Variants in RCOR3 observed in about 807,000 individuals in gnomAD.
RCOR3 encodes the protein REST corepressor 3.
In RCOR3, 13 loss-of-function variants were observed where a neutral mutation model predicts 64.1. The ratio of observed to expected loss-of-function variants is 0.20; its 90% CI spans 0.13 to 0.32. RCOR3 has a LOEUF of 0.32. Among genes scored for constraint, RCOR3 ranks in the 10% least tolerant of loss-of-function variants. The pLI is 1.00. For synonymous variants in RCOR3, 215 were observed against 239.0 expected (o/e 0.90, Z 0.93); for missense variants, 489 against 701.2 (o/e 0.70, Z 3.42).
chr1:211,271,218 T>C lies in RCOR3; in HGVS notation c.224-14T>C. On this transcript the variant is annotated splice_polypyrimidine_tract_variant and intron_variant, in intron 2 of 11. Coordinates refer to ENST00000419091, the MANE Select transcript of RCOR3 (RefSeq NM_001136223.3). Reference sequence around the variant, plus strand: ...AAATCCATCATATTCAAAGTAATTATCTTTTTCCCCCAGGTGCTACAAAGT... The same window carrying C: ...AAATCCATCATATTCAAAGTAATTACCTTTTTCCCCCAGGTGCTACAAAGT... 6.2e-7 allele frequency: 1 copy of C among 1,606,850 alleles called. No individual in the cohort carries two copies. Among genetic ancestry groups the C allele is most frequent in the South Asian group, 1.1e-5 (1 of 90,724 alleles).
At chr1:211,265,054 T>A (rs1287033865) in intron 2 of RCOR3, among the ~76,000 whole-genome samples, 1 of 152,238 alleles carries the variant, frequency 6.6e-6, no homozygotes, top group Non-Finnish European at 1.5e-5. Flanking sequence ...ATCACAAGAT[T>A]AAGTGAAAAT....
chr1:211,302,402 A>G (rs1001456063), intron 9 of RCOR3: 2 of 152,232 alleles, frequency 1.3e-5, no homozygotes, highest in African/African-American at 4.8e-5. Flanking sequence ...CTCACAGGCA[A>G]GCACTTCACA....
At chr1:211,284,247 G>GT (rs1698220413) in intron 7 of RCOR3, among the ~76,000 whole-genome samples, 2 of 151,162 alleles carry the variant, frequency 1.3e-5, no homozygotes, top group South Asian at 2.1e-4. Context: ...TTGTTTGTTT[G>GT]TTTTTTGTAT....
intron 8 of RCOR3, among the ~76,000 whole-genome samples, chr1:211,292,196 T>C (rs1036149619): frequency 6.6e-6 from 1 of 152,234 alleles, no homozygotes; most frequent in African/African-American, 2.4e-5. Context: ...TGGAATTTCT[T>C]TCACTTGACT....
At chr1:211,268,256 C>G (rs957236834) in intron 2 of RCOR3, among the ~76,000 whole-genome samples, 3 of 151,624 alleles carry the variant, frequency 2.0e-5, no homozygotes, top group African/African-American at 7.3e-5. Context: ...TGTTTTATTA[C>G]CATTGAGTGG....
intron 5 of RCOR3, among the ~76,000 whole-genome samples, chr1:211,277,846 G>C (rs1697228722): frequency 1.3e-5 from 2 of 152,120 alleles, no homozygotes; most frequent in South Asian, 2.1e-4. Context: ...TACTAACATG[G>C]CTGCGCTGGG....
intron 8 of RCOR3, among the ~76,000 whole-genome samples, chr1:211,292,224 ATG>A (rs1699324911): frequency 6.6e-6 from 1 of 152,198 alleles, no homozygotes; most frequent in Admixed American, 6.5e-5. Flanking sequence ...TCTCTGGAGT[ATG>A]TGTGTTTATA....
At chr1:211,276,552 A>G in intron 5 of RCOR3, 134 bp downstream of exon 5, 1 of 760,000 alleles carries the variant, frequency 1.3e-6, no homozygotes, top group Non-Finnish European at 2.0e-6. Flanking sequence ...AGGTATATTT[A>G]TATACAATCC....
At position 211,312,659 on chromosome 1, in the gene RCOR3, A is replaced by G. The variant is rs962816418; in HGVS notation, c.1076-61A>G. ...GGTATCTTTTGTGTGTGCATGATGT[A>G]TAGTACACACAGCTCTCCTTATTGA... On this transcript the variant is annotated intron_variant, in intron 10 of 11. Transcript: ENST00000419091. The surrounding 1 kb of genome is among the most constrained non-coding windows in gnomAD (Gnocchi z 5.0). 2 of 1,129,076 alleles carry G rather than the reference A, an allele frequency of 1.8e-6. No individual in the cohort carries two copies. The highest frequency in any genetic ancestry group is 2.3e-5 in the East Asian group (1 of 42,648). The allele number at this position is 1,129,076 out of a possible 1,614,324, so 69.9% of individuals were successfully genotyped here.
Position 211,289,328 on chromosome 1 carries a change from T to A in RCOR3, c.871T>A (p.Cys291Ser). Residue 291 changes from cysteine to serine, a missense_variant, in exon 8 of 12, where the codon TGT becomes AGT. Cys to Ser is a moderately radical substitution (Grantham distance 112). This residue lies in a region of RCOR3 where 402 missense variants were observed against 617.0 expected (regional missense o/e 0.65). Transcript: ENST00000419091. ...CCAGGAAGATGTGGTAGCAGTTTCCTGTAGTCCCAATGCAGCCAACACCAT... is the reference window on the plus strand; with the variant it reads ...CCAGGAAGATGTGGTAGCAGTTTCCAGTAGTCCCAATGCAGCCAACACCAT... ...LTQEDVVAVSCSPNAANTILR... is the reference protein window; with the variant it reads ...LTQEDVVAVSSSPNAANTILR... 3 of 1,614,184 alleles carry A rather than the reference T, an allele frequency of 1.9e-6. No homozygotes were observed. The highest frequency in any genetic ancestry group is 1.7e-6 in the Non-Finnish European group (2 of 1,180,022).
intron 10 of RCOR3, among the ~76,000 whole-genome samples, chr1:211,306,381 T>A (rs967174199): frequency 7.9e-5 from 12 of 152,140 alleles, no homozygotes; most frequent in African/African-American, 2.7e-4. Flanking sequence ...AAAAAAAGTA[T>A]GGTAAACCTT....
intron 10 of RCOR3, among the ~76,000 whole-genome samples, chr1:211,310,247 C>G (rs1277947295): frequency 6.6e-6 from 1 of 152,162 alleles, no homozygotes; most frequent in Non-Finnish European, 1.5e-5. Context: ...TGAAGCTGCT[C>G]TTGTCCAAAT....
chr1:211,269,597 CA>C (rs542859850), intron 2 of RCOR3, among the ~76,000 whole-genome samples: 9 of 144,714 alleles, frequency 6.2e-5, no homozygotes, highest in East Asian at 6.0e-4. Flanking sequence ...AACTTCATCT[CA>C]AAAAAAAAAG....
rs1209637654 is a variant in RCOR3 at position 211,259,384 on chromosome 1, C to T, written c.-177C>T. ...GGGGCGGGTTGTTGTGAGGCGACTG[C>T]GCTACTGCCGGAGCGGGGCGGTTAT... On this transcript the variant is annotated 5_prime_UTR_variant, in exon 1 of 12. Transcript: ENST00000419091. 1.7e-6 allele frequency: 1 copy of T among 585,810 alleles called. No homozygotes were observed. Among genetic ancestry groups the T allele is most frequent in the Admixed American group, 3.4e-5 (1 of 29,098 alleles). The allele number at this position is 585,810 out of a possible 1,614,324, so 36.3% of individuals were successfully genotyped here.
intron 9 of RCOR3, among the ~76,000 whole-genome samples, chr1:211,298,924 G>A (rs1054338257): frequency 3.3e-5 from 5 of 151,924 alleles, no homozygotes; most frequent in African/African-American, 9.7e-5. Flanking sequence ...GGAGAGTGGC[G>A]TGAACCCGGG....
chr1:211,271,462 A>T (rs1466969515), intron 3 of RCOR3, 153 bp downstream of exon 3: 43 of 656,216 alleles, frequency 6.6e-5, no homozygotes, highest in Non-Finnish European at 1.0e-4. Context: ...TTTTTAATGG[A>T]GGTTGTTATA....
rs1332639377 is a variant in RCOR3 at position 211,259,611 on chromosome 1, G to C, written c.51G>C (p.Ser17=). 6.5e-7 allele frequency: 1 copy of C among 1,547,940 alleles called. No individual in the cohort carries two copies. The highest frequency in any genetic ancestry group is 2.5e-5 in the East Asian group (1 of 40,596). ...CCGAGTTACTGGGGAAGAACCGATC[G>C]GCCAACGGCAGCGCCAAGAGCCCGG... is the stretch of plus-strand genomic sequence containing the variant. ...KGPELLGKNR[S]ANGSAKSPAG... The change falls in exon 1 of 12, where the codon TCG becomes TCC. Residue 17 remains serine, a synonymous_variant. Transcript: ENST00000419091.
At chr1:211,285,006 C>G (rs1185338562) in intron 7 of RCOR3, among the ~76,000 whole-genome samples, 3 of 152,118 alleles carry the variant, frequency 2.0e-5, no homozygotes, top group Non-Finnish European at 4.4e-5. Flanking sequence ...TTGATAGTTG[C>G]TAGGGTAAGT....
intron 2 of RCOR3, among the ~76,000 whole-genome samples, chr1:211,262,629 G>C (rs2102416663): frequency 6.6e-6 from 1 of 152,176 alleles, no homozygotes; most frequent in East Asian, 1.9e-4. Context: ...AGTTCGATTA[G>C]GGGTCTTGTG....
Sources: gnomAD v4.1 joint callset for allele counts (sites outside exome capture counted in the v4.1 genomes callset) on GRCh38, gnomAD v4.1.1 for gene constraint, gnomAD v4.1.1 regional missense constraint, Gnocchi (gnomAD v3.1) non-coding constraint, MANE v1.5 for transcripts, NCBI Gene and HGNC (gene_info 2026-07-23, HGNC 2026-07-21) for gene names.